LCOR: variants seen among roughly 807,000 people sequenced by gnomAD.
LCOR encodes ligand-dependent corepressor.
A neutral mutation model predicts 64.4 loss-of-function variants in LCOR; 14 were observed. The observed-to-expected ratio is 0.22, with a 90% confidence interval of 0.14 to 0.34. LCOR has a LOEUF of 0.34. Among genes scored for constraint, LCOR ranks in the 10% least tolerant of loss-of-function variants. The pLI, the probability that LCOR is intolerant of heterozygous loss-of-function variation, is 1.00. For synonymous variants in LCOR, 643 were observed against 642.5 expected (o/e 1.00, Z -0.01); for missense variants, 1,686 against 1,765.3 (o/e 0.96, Z 0.80).
chr10:96,949,001 T>C lies in LCOR; in HGVS notation c.-50-7T>C, dbSNP rs1374261221. On this transcript the variant is annotated splice_region_variant and splice_polypyrimidine_tract_variant and intron_variant, in intron 5 of 7. Coordinates refer to ENST00000421806, the MANE Select transcript of LCOR (RefSeq NM_001346516.2). Reference sequence around the variant, plus strand: ...CACTTTAAAAGTAAATAAATCTTTATTTACAGACAGTCCCTGGGTCTCCGA... The same window carrying C: ...CACTTTAAAAGTAAATAAATCTTTACTTACAGACAGTCCCTGGGTCTCCGA... 1 of 1,585,526 alleles carries C rather than the reference T, an allele frequency of 6.3e-7. No individual in the cohort carries two copies. Among genetic ancestry groups the C allele is most frequent in the East Asian group, 2.2e-5 (1 of 44,574 alleles).
chr10:96,841,495 G>C (rs1361049092), intron 2 of LCOR, among the ~76,000 whole-genome samples: 1 of 151,838 alleles, frequency 6.6e-6, no homozygotes, highest in African/African-American at 2.4e-5. Flanking sequence ...CGAGTAGCTG[G>C]GATTAGAGGT....
intron 2 of LCOR, among the ~76,000 whole-genome samples, chr10:96,856,660 G>T (rs1341830155): frequency 6.6e-6 from 1 of 151,512 alleles, no homozygotes; most frequent in Non-Finnish European, 1.5e-5. Context: ...TTATTTTTGT[G>T]GAGATAGGGT....
chr10:96,844,565 C>T (rs992797318), intron 2 of LCOR, among the ~76,000 whole-genome samples: 3 of 152,140 alleles, frequency 2.0e-5, no homozygotes, highest in Non-Finnish European at 4.4e-5. Flanking sequence ...ACCTTGCCTC[C>T]TTCTCTTCAG....
chr10:96,968,950 A>AAAAT (rs1270723792), intron 7 of LCOR, among the ~76,000 whole-genome samples: 1 of 152,012 alleles, frequency 6.6e-6, no homozygotes, highest in African/African-American at 2.4e-5. Context: ...AAAAAAAAAA[A>AAAAT]TTCAGCGTTT....
At chr10:96,912,692 G>C (rs990790567) in intron 4 of LCOR, among the ~76,000 whole-genome samples, 12 of 147,736 alleles carry the variant, frequency 8.1e-5, no homozygotes, top group African/African-American at 2.8e-4. Flanking sequence ...TGTTGGGGGA[G>C]GTACTTTGAG....
intron 2 of LCOR, among the ~76,000 whole-genome samples, chr10:96,870,439 G>A (rs372981411): frequency 7.9e-5 from 12 of 152,266 alleles, no homozygotes; most frequent in African/African-American, 2.6e-4. Context: ...CCCAAAGTCC[G>A]TAGGCACTGA....
chr10:96,910,301 G>T (rs1465145719), intron 4 of LCOR, among the ~76,000 whole-genome samples: 1 of 152,130 alleles, frequency 6.6e-6, no homozygotes, highest in Non-Finnish European at 1.5e-5. Flanking sequence ...TTTTTAGTTG[G>T]TTTTCTAAAT....
At chr10:96,921,601 A>G (rs1301780488) in intron 4 of LCOR, among the ~76,000 whole-genome samples, 1 of 152,170 alleles carries the variant, frequency 6.6e-6, no homozygotes, top group African/African-American at 2.4e-5. Flanking sequence ...AGCTGGGATT[A>G]CAGATGCATG....
rs754721192 is a variant in LCOR at position 96,952,142 on chromosome 10, C to T, written c.278C>T (p.Ala93Val). 1 of 1,613,932 alleles carries T rather than the reference C, an allele frequency of 6.2e-7. No homozygotes were observed. Among genetic ancestry groups the T allele is most frequent in the East Asian group, 2.2e-5 (1 of 44,884 alleles). The change falls in exon 7 of 8, where the codon GCT (alanine) becomes GTT (valine). Residue 93 changes from alanine to valine, a missense_variant. Ala to Val is a moderately conservative substitution (Grantham distance 64). Coordinates refer to ENST00000421806, the MANE Select transcript of LCOR (RefSeq NM_001346516.2). ...LDLSTKKSPC[A>V]GSTSLSHSPG... ...CTGTCCACTAAGAAAAGTCCATGTG[C>T]TGGCAGCACTTCCCTGAGCCACTCT...
At chr10:96,955,223 G>A in intron 7 of LCOR, 1 of 1,614,112 alleles carries the variant, frequency 6.2e-7, no homozygotes, top group Non-Finnish European at 8.5e-7. Context: ...CACATTACGA[G>A]TTCAACCTCA....
intron 2 of LCOR, among the ~76,000 whole-genome samples, chr10:96,858,307 G>A (rs1044610069): frequency 6.6e-6 from 1 of 152,182 alleles, no homozygotes; most frequent in Non-Finnish European, 1.5e-5. Flanking sequence ...GTTACTCTGA[G>A]GTTTCTGAAG....
At chr10:96,967,773 G>A (rs1847964040) in intron 7 of LCOR, among the ~76,000 whole-genome samples, 2 of 152,122 alleles carry the variant, frequency 1.3e-5, no homozygotes, top group African/African-American at 4.8e-5. Flanking sequence ...TTTTTGTTAT[G>A]AAGTGTGTAT....
At chr10:96,893,123 C>A (rs1286638672) in intron 2 of LCOR, among the ~76,000 whole-genome samples, 1 of 152,032 alleles carries the variant, frequency 6.6e-6, no homozygotes, top group Non-Finnish European at 1.5e-5. Context: ...ATAATTAACA[C>A]CTTCATTTGT....
At chr10:96,955,404 G>A in intron 7 of LCOR, 2 of 1,614,180 alleles carry the variant, frequency 1.2e-6, no homozygotes, top group South Asian at 1.1e-5. Context: ...TCGAGGAATG[G>A]ATCTTTCTTG....
At position 96,983,520 on chromosome 10, in the gene LCOR, T is replaced by G. The variant is rs77442237; in HGVS notation, c.3060T>G (p.Ser1020Arg). Residue 1020 changes from serine (S) to arginine (R), a missense_variant, in exon 8 of 8, where the codon AGT becomes AGG. Physicochemically the swap from Ser to Arg is moderately radical, Grantham distance 110 (BLOSUM62 -1). This residue lies in a region of LCOR where 1,293 missense variants were observed against 1,410.4 expected (regional missense o/e 0.92). Coordinates refer to ENST00000421806, the MANE Select transcript of LCOR (RefSeq NM_001346516.2). This position sits in a 1 kb window ranked among gnomAD's most constrained non-coding sequence, Gnocchi z 4.5. The stretch of plus-strand genomic sequence containing the variant: ...CTCTTGGGTTGTCGAGTAGTGGAAG[T>G]GGTGATGCTGCTAGGGCACCAAAAT... Reference protein sequence around the residue: ...CSSLGLSSSGSGDAARAPKSV... With the variant: ...CSSLGLSSSGRGDAARAPKSV... The G allele has an allele frequency of 6.2e-7, 1 of 1,613,968 alleles. No homozygotes were observed. Among genetic ancestry groups the G allele is most frequent in the Admixed American group, 1.7e-5 (1 of 60,008 alleles).
chr10:96,836,034 G>A (rs1303980949), intron 2 of LCOR, among the ~76,000 whole-genome samples: 3 of 152,162 alleles, frequency 2.0e-5, no homozygotes, highest in South Asian at 2.1e-4. Flanking sequence ...TTTTCAAGAA[G>A]CTCTTCCTAA....
chr10:96,943,869 A>G (rs1847541582), intron 4 of LCOR, among the ~76,000 whole-genome samples: 1 of 152,166 alleles, frequency 6.6e-6, no homozygotes, highest in African/African-American at 2.4e-5. Flanking sequence ...GTTAAAGTTT[A>G]GTTAGAGTAA....
intron 2 of LCOR, among the ~76,000 whole-genome samples, chr10:96,843,231 T>C (rs1845571723): frequency 6.6e-6 from 1 of 152,194 alleles, no homozygotes; most frequent in Non-Finnish European, 1.5e-5. Context: ...GTCAAAGTGA[T>C]CCTCCTGCCT....
chr10:96,896,254 C>T (rs924962061), intron 2 of LCOR, among the ~76,000 whole-genome samples: 1 of 152,050 alleles, frequency 6.6e-6, no homozygotes, highest in Non-Finnish European at 1.5e-5. Flanking sequence ...ATAGTCATAC[C>T]TTATGTCATT....
Sources: gnomAD v4.1 joint callset for allele counts (sites outside exome capture counted in the v4.1 genomes callset) on GRCh38, gnomAD v4.1.1 for gene constraint, gnomAD v4.1.1 regional missense constraint, Gnocchi (gnomAD v3.1) non-coding constraint, MANE v1.5 for transcripts, NCBI Gene and HGNC (gene_info 2026-07-23, HGNC 2026-07-21) for gene names.